ATRNL1: variants seen among roughly 807,000 people sequenced by gnomAD.
ATRNL1 encodes attractin-like protein 1.
In ATRNL1, 95 loss-of-function variants were observed where a neutral mutation model predicts 182.7. That is an observed-to-expected ratio of 0.52 (90% CI 0.44 to 0.62). ATRNL1 has a LOEUF of 0.62. Ranked by LOEUF, ATRNL1 falls within the 20% of genes least tolerant of loss-of-function variation. The pLI is 0.00. For synonymous variants in ATRNL1, 576 were observed against 568.3 expected, an observed-to-expected ratio of 1.01 and a Z score of -0.19; for missense variants, 1,471 against 1,679.5, an observed-to-expected ratio of 0.88 and a Z score of 2.17.
At chr10:115,851,766 G>C (rs549491429) in intron 28 of ATRNL1, among the ~76,000 whole-genome samples, 1 of 152,252 alleles carries the variant, frequency 6.6e-6, no homozygotes, top group African/African-American at 2.4e-5. Context: ...TGCAATCCGT[G>C]CCAGACTCTT....
At chr10:115,373,948 A>C (rs1254521431) in intron 19 of ATRNL1, among the ~76,000 whole-genome samples, 3 of 151,916 alleles carry the variant, frequency 2.0e-5, no homozygotes, top group African/African-American at 7.2e-5. Context: ...ATTAATATTT[A>C]TTCTTCTTTA....
chr10:115,102,503 G>T (rs1280079686), intron 1 of ATRNL1, among the ~76,000 whole-genome samples: 1 of 152,096 alleles, frequency 6.6e-6, no homozygotes, highest in African/African-American at 2.4e-5. Flanking sequence ...GAGTGCAGTG[G>T]CATGGTATCA....
intron 28 of ATRNL1, among the ~76,000 whole-genome samples, chr10:115,849,465 G>A (rs1381401123): frequency 5.9e-5 from 9 of 152,156 alleles, no homozygotes; most frequent in Admixed American, 5.9e-4. Flanking sequence ...GCAGACTGAA[G>A]GCAACTGCCA....
chr10:115,486,269 G>T (rs1165895780), intron 24 of ATRNL1, among the ~76,000 whole-genome samples: 1 of 152,140 alleles, frequency 6.6e-6, no homozygotes, highest in Non-Finnish European at 1.5e-5. Flanking sequence ...CCAGTAATGA[G>T]ATTGCTGGGT....
At chr10:115,281,052 C>T (rs533872147) in intron 13 of ATRNL1, among the ~76,000 whole-genome samples, 8 of 152,138 alleles carry the variant, frequency 5.3e-5, no homozygotes, top group Non-Finnish European at 1.2e-4. Context: ...AAACATATGC[C>T]TCTATTGCTG....
At chr10:115,299,623 A>G (rs962685674) in intron 15 of ATRNL1, among the ~76,000 whole-genome samples, 1 of 152,060 alleles carries the variant, frequency 6.6e-6, no homozygotes, top group Non-Finnish European at 1.5e-5. Context: ...GATAATGGCA[A>G]TTTATCTTTA....
intron 5 of ATRNL1, among the ~76,000 whole-genome samples, chr10:115,148,334 GT>G (rs1846060845): frequency 6.6e-6 from 1 of 152,054 alleles, no homozygotes; most frequent in Non-Finnish European, 1.5e-5. Context: ...ACATTTAAGA[GT>G]TTTTTGGTGG....
At chr10:115,436,951 T>C (rs782543488) in intron 21 of ATRNL1, among the ~76,000 whole-genome samples, 2 of 152,082 alleles carry the variant, frequency 1.3e-5, no homozygotes, top group African/African-American at 2.4e-5. Flanking sequence ...ATGAGAATTA[T>C]AGAGTTTTGG....
chr10:115,352,941 T>A (rs112443369), intron 19 of ATRNL1, among the ~76,000 whole-genome samples: 530 of 152,226 alleles, frequency 3.5e-3, no homozygotes, highest in Non-Finnish European at 6.1e-3. Context: ...CTTGATATTA[T>A]TTTGACATGT....
intron 27 of ATRNL1, among the ~76,000 whole-genome samples, chr10:115,754,710 T>A (rs141222174): frequency 0.033 from 5,095 of 152,242 alleles, 270 homozygotes; most frequent in African/African-American, 0.11. Context: ...GTGAAGAAAG[T>A]CATTGGTAGC....
intron 9 of ATRNL1, among the ~76,000 whole-genome samples, chr10:115,235,252 A>G (rs573613350): frequency 5.9e-5 from 9 of 152,328 alleles, no homozygotes; most frequent in Non-Finnish European, 1.2e-4. Flanking sequence ...AAGTCATAAC[A>G]TAAACTTCTT....
At chr10:115,582,219 C>A (rs61882964) in intron 26 of ATRNL1, among the ~76,000 whole-genome samples, 69,646 of 149,594 alleles carry the variant, frequency 0.47, 17,920 homozygotes, top group East Asian at 0.84. Context: ...GTGCACGTGT[C>A]TTTATAGCAG....
rs137964669 is a variant in ATRNL1 at position 115,602,425 on chromosome 10, T to G, written c.3795+52889T>G. 2.7e-3 allele frequency among the ~76,000 whole-genome samples: 348 copies of G among 126,720 alleles called. 1 individual carries two copies. Among genetic ancestry groups the G allele is most frequent in the Admixed American group, 7.8e-3 (103 of 13,278 alleles). 83.1% of individuals were successfully genotyped at this position (126,720 alleles called of 152,430 possible). On this transcript the variant is annotated intron_variant, in intron 26 of 28. Transcript: ENST00000355044. ...ACTTCTGACACTAAATGTTTGGGATTTTTTTGTTTACACACACAAAAAAAC... is the reference window on the plus strand; with the variant it reads ...ACTTCTGACACTAAATGTTTGGGATGTTTTTGTTTACACACACAAAAAAAC...
chr10:115,729,478 A>G lies in ATRNL1; in HGVS notation c.3903+2123A>G, dbSNP rs1947719128. Among the ~76,000 whole-genome samples the G allele has an allele frequency of 2.9e-5, 4 of 136,910 alleles. No homozygotes were observed. In the South Asian group the frequency reaches 9.4e-4, roughly 32 times the overall value. The allele number at this position is 136,910 out of a possible 152,430, so 89.8% of individuals were successfully genotyped here. On this transcript the variant is annotated intron_variant, in intron 27 of 28. Coordinates refer to ENST00000355044, the MANE Select transcript of ATRNL1 (RefSeq NM_207303.4). ...ATTAACTACTGTTCTACCAAGGCTT[A>G]TTTCAGCTACCCCATTTTGTGTGTG...
intron 20 of ATRNL1, among the ~76,000 whole-genome samples, chr10:115,414,976 C>A (rs186516624): frequency 4.0e-4 from 61 of 151,890 alleles, no homozygotes; most frequent in African/African-American, 1.4e-3. Flanking sequence ...TGGTATTTTG[C>A]AATTAAAATT....
chr10:115,647,948 A>C (rs1389336839), intron 26 of ATRNL1, among the ~76,000 whole-genome samples: 2 of 152,138 alleles, frequency 1.3e-5, no homozygotes, highest in East Asian at 3.9e-4. Flanking sequence ...TTAAGTCTTT[A>C]ATCCATCTTG....
At chr10:115,766,566 G>A (rs1555075088) in intron 27 of ATRNL1, among the ~76,000 whole-genome samples, 1 of 152,106 alleles carries the variant, frequency 6.6e-6, no homozygotes, top group East Asian at 1.9e-4. Flanking sequence ...AGTTTTAACT[G>A]GCATATGAAT....
At chr10:115,705,041 C>T (rs139075875) in intron 26 of ATRNL1, among the ~76,000 whole-genome samples, 30 of 151,952 alleles carry the variant, frequency 2.0e-4, no homozygotes, top group African/African-American at 7.2e-4. Context: ...ATGTGGATTT[C>T]TCTTTCATTG....
intron 28 of ATRNL1, among the ~76,000 whole-genome samples, chr10:115,901,163 T>G (rs1555113475): frequency 2.0e-5 from 3 of 152,216 alleles, no homozygotes; most frequent in Non-Finnish European, 4.4e-5. Flanking sequence ...GATATTTTGG[T>G]CCTACTATGT....
Sources: gnomAD v4.1 joint callset for allele counts (sites outside exome capture counted in the v4.1 genomes callset) on GRCh38, gnomAD v4.1.1 for gene constraint, MANE v1.5 for transcripts, NCBI Gene and HGNC (gene_info 2026-07-23, HGNC 2026-07-21) for gene names.